CFAP299: variants seen among roughly 807,000 people sequenced by gnomAD.
The protein encoded by CFAP299 is cilia and flagella associated protein 299, also known as cilia- and flagella-associated protein 299.
A neutral mutation model predicts 27.0 loss-of-function variants in CFAP299; 21 were observed. The observed-to-expected ratio is 0.78, with a 90% CI of 0.55 to 1.12. CFAP299 has a LOEUF of 1.12. Ranked by LOEUF, CFAP299 falls within the 50% of genes most tolerant of loss-of-function variation. The pLI is 0.00. For missense variants in CFAP299, 310 were observed against 276.6 expected, an observed-to-expected ratio of 1.12 and a Z score of -0.86; for synonymous variants, 104 against 98.1, an observed-to-expected ratio of 1.06 and a Z score of -0.36.
chr4:80,892,808 G>A (rs1169994709), intron 4 of CFAP299, among the ~76,000 whole-genome samples: 3 of 152,018 alleles, frequency 2.0e-5, no homozygotes, highest in African/African-American at 7.2e-5. Flanking sequence ...TTTCCTCCAA[G>A]ATAAGTATTA....
intron 2 of CFAP299, among the ~76,000 whole-genome samples, chr4:80,533,763 A>AT (rs1733587327): frequency 6.6e-6 from 1 of 152,310 alleles, no homozygotes; most frequent in African/African-American, 2.4e-5. Flanking sequence ...GCTCATCAGA[A>AT]TTATTCATAA....
At chr4:80,575,768 T>C (rs1735821589) in intron 2 of CFAP299, among the ~76,000 whole-genome samples, 1 of 152,152 alleles carries the variant, frequency 6.6e-6, no homozygotes, top group Non-Finnish European at 1.5e-5. Flanking sequence ...ATGTAGGTGC[T>C]TATAGCTATA....
chr4:80,330,626 C>G, the CFAP299 span, among the ~76,000 whole-genome samples: 1 of 152,136 alleles, frequency 6.6e-6, no homozygotes, highest in African/African-American at 2.4e-5. Flanking sequence ...ATGACAACTT[C>G]CAGTTGGAAG....
intron 3 of CFAP299, among the ~76,000 whole-genome samples, chr4:80,616,613 C>T (rs940245238): frequency 3.9e-5 from 6 of 151,960 alleles, no homozygotes; most frequent in Non-Finnish European, 7.4e-5. Context: ...TCAGACAATG[C>T]TCGTCTCACT....
chr4:80,786,697 T>C (rs1727265157), intron 3 of CFAP299, among the ~76,000 whole-genome samples: 1 of 152,082 alleles, frequency 6.6e-6, no homozygotes, highest in Non-Finnish European at 1.5e-5. Context: ...ATCAAGGCAA[T>C]CACTAAATAT....
At chr4:80,850,479 A>G (rs1731452834) in intron 3 of CFAP299, among the ~76,000 whole-genome samples, 1 of 152,014 alleles carries the variant, frequency 6.6e-6, no homozygotes. Flanking sequence ...TTAGTTTTAG[A>G]AAGTATATGA....
chr4:80,709,197 G>A (rs917006465), intron 3 of CFAP299, among the ~76,000 whole-genome samples: 4 of 152,132 alleles, frequency 2.6e-5, no homozygotes, highest in Non-Finnish European at 5.9e-5. Flanking sequence ...TCTTTTCAGA[G>A]TTTAGCTTTT....
intron 2 of CFAP299, among the ~76,000 whole-genome samples, chr4:80,509,592 T>C (rs997307190): frequency 2.6e-5 from 4 of 152,174 alleles, no homozygotes; most frequent in Non-Finnish European, 5.9e-5. Context: ...AAATTGCTTA[T>C]TTCTGAAACA....
intron 2 of CFAP299, among the ~76,000 whole-genome samples, chr4:80,430,758 C>A (rs145472979): frequency 6.6e-6 from 1 of 152,110 alleles, no homozygotes; most frequent in African/African-American, 2.4e-5. Context: ...GCATCCCCAG[C>A]CAAAAATCTA....
At chr4:80,367,457 A>G (rs1227787854) in intron 2 of CFAP299, among the ~76,000 whole-genome samples, 4 of 152,060 alleles carry the variant, frequency 2.6e-5, no homozygotes, top group Non-Finnish European at 5.9e-5. Flanking sequence ...TTCACAAATT[A>G]TTTTCTTTAC....
rs141953323 is a variant in CFAP299 at position 80,910,189 on chromosome 4, G to A, written c.477-34621G>A. 2.7e-4 allele frequency among the ~76,000 whole-genome samples: 41 copies of A among 152,154 alleles called. No individual in the cohort carries two copies. The East Asian group carries it at 6.7e-3, about 25-fold the overall frequency. On this transcript the variant is annotated intron_variant, in intron 4 of 5. Transcript: ENST00000358105. ...AAAACTAGTTATTGTCAACAGAGCT[G>A]GTGAAGTTGCAGAGAAAAGGGAACA...
chr4:80,711,267 G>A (rs1722152433), intron 3 of CFAP299, among the ~76,000 whole-genome samples: 1 of 152,178 alleles, frequency 6.6e-6, no homozygotes, highest in Admixed American at 6.5e-5. Flanking sequence ...GGACTAAGTA[G>A]CCAAGACAAG....
intron 4 of CFAP299, among the ~76,000 whole-genome samples, chr4:80,889,268 A>C (rs1238365786): frequency 1.3e-5 from 2 of 151,980 alleles, no homozygotes; most frequent in Non-Finnish European, 2.9e-5. Flanking sequence ...AGCCTCAAAT[A>C]AATAAAATCA....
At chr4:80,828,611 C>T (rs1396368759) in intron 3 of CFAP299, among the ~76,000 whole-genome samples, 17 of 151,860 alleles carry the variant, frequency 1.1e-4, no homozygotes, top group African/African-American at 3.9e-4. Flanking sequence ...GCCCCTCCCC[C>T]TACCCTGATT....
At chr4:80,764,948 G>A (rs1725773637) in intron 3 of CFAP299, among the ~76,000 whole-genome samples, 1 of 152,070 alleles carries the variant, frequency 6.6e-6, no homozygotes, top group South Asian at 2.1e-4. Context: ...AGGGGTTGGG[G>A]GGCAAAGGGA....
At chr4:80,539,874 A>G (rs1733918678) in intron 2 of CFAP299, among the ~76,000 whole-genome samples, 2 of 152,180 alleles carry the variant, frequency 1.3e-5, no homozygotes, top group African/African-American at 4.8e-5. Context: ...ATGCATTTGC[A>G]GGAGATTTGG....
chr4:80,914,503 A>G (rs1735647862), intron 4 of CFAP299, among the ~76,000 whole-genome samples: 1 of 152,140 alleles, frequency 6.6e-6, no homozygotes, highest in Admixed American at 6.6e-5. Context: ...GCATCCCTCC[A>G]GTTATAACAA....
intron 2 of CFAP299, among the ~76,000 whole-genome samples, chr4:80,514,875 A>G (rs1732506465): frequency 6.6e-6 from 1 of 152,248 alleles, no homozygotes. Flanking sequence ...AGTAATCTCA[A>G]ATTATTTTAT....
chr4:80,800,188 A>C (rs181465323), intron 3 of CFAP299, among the ~76,000 whole-genome samples: 1,907 of 67,828 alleles, frequency 0.028, 34 homozygotes, highest in Middle Eastern at 0.096. Context: ...AATAATATGT[A>C]ATACTATATA....
Sources: allele counts gnomAD v4.1 joint callset (sites outside exome capture counted in the v4.1 genomes callset), GRCh38; gene constraint gnomAD v4.1.1; transcripts MANE v1.5; gene names NCBI Gene and HGNC (gene_info 2026-07-23, HGNC 2026-07-21).